The following SOX5 variants were observed in gnomAD, a reference collection of about 807,000 sequenced individuals.
SOX5 encodes the protein transcription factor SOX-5.
A neutral mutation model predicts 92.0 loss-of-function variants in SOX5; 9 were observed. That is an observed-to-expected ratio of 0.10 (90% confidence interval 0.06 to 0.17). SOX5 has a LOEUF of 0.17. Ranked by LOEUF, SOX5 falls within the 10% of genes least tolerant of loss-of-function variation. The pLI, the probability that SOX5 is intolerant of heterozygous loss-of-function variation, is 1.00. For missense variants in SOX5, 642 were observed against 944.5 expected (o/e 0.68, Z 4.20); for synonymous variants, 344 against 336.3 (o/e 1.02, Z -0.25).
chr12:24,408,939 C>T (rs1213843701), intron 1 of SOX5, among the ~76,000 whole-genome samples: 1 of 152,144 alleles, frequency 6.6e-6, no homozygotes, highest in Non-Finnish European at 1.5e-5. Flanking sequence ...GAATCTAGAA[C>T]CGGAAATATC....
At chr12:23,756,096 A>G (rs1241990488) in intron 3 of SOX5, among the ~76,000 whole-genome samples, 1 of 151,848 alleles carries the variant, frequency 6.6e-6, no homozygotes. Flanking sequence ...GAGTAAAAAA[A>G]GGCAAAGAAT....
intron 8 of SOX5, among the ~76,000 whole-genome samples, chr12:23,620,459 A>G (rs1412355590): frequency 1.3e-5 from 2 of 152,070 alleles, no homozygotes; most frequent in African/African-American, 4.8e-5. Flanking sequence ...GAATAAATCT[A>G]TATATATAAT....
chr12:23,979,102 C>A (rs1016191035), intron 4 of SOX5, among the ~76,000 whole-genome samples: 1 of 151,996 alleles, frequency 6.6e-6, no homozygotes, highest in African/African-American at 2.4e-5. Flanking sequence ...CTCAAACAAC[C>A]ATTAGGTATA....
At chr12:24,200,067 CATCATCAA>C (rs1957369427) in intron 4 of SOX5, among the ~76,000 whole-genome samples, 1 of 152,194 alleles carries the variant, frequency 6.6e-6, no homozygotes, top group Admixed American at 6.5e-5. Context: ...TTCCACACAA[CATCATCAA>C]AAGACCCACA....
chr12:24,467,880 CAT>C (rs1218535946), intron 1 of SOX5, among the ~76,000 whole-genome samples: 1 of 152,178 alleles, frequency 6.6e-6, no homozygotes, highest in Non-Finnish European at 1.5e-5. Flanking sequence ...GCTTTTACTC[CAT>C]GCCAACTAGT....
intron 13 of SOX5, among the ~76,000 whole-genome samples, chr12:23,537,657 T>A (rs1384420533): frequency 6.6e-6 from 1 of 152,212 alleles, no homozygotes; most frequent in Non-Finnish European, 1.5e-5. Context: ...GGTGTGAATT[T>A]AGCTGGGATT....
chr12:24,163,154 A>T (rs1952967794), intron 4 of SOX5, among the ~76,000 whole-genome samples: 2 of 152,122 alleles, frequency 1.3e-5, no homozygotes, highest in Non-Finnish European at 2.9e-5. Context: ...AGGCTTTTTA[A>T]ATATGAAGGA....
intron 4 of SOX5, among the ~76,000 whole-genome samples, chr12:24,043,634 G>A (rs1386043573): frequency 1.3e-5 from 2 of 152,112 alleles, no homozygotes; most frequent in African/African-American, 4.8e-5. Context: ...TGTGTTTTTA[G>A]TATCCTAACA....
At chr12:24,391,519 C>T (rs994371906) in intron 1 of SOX5, among the ~76,000 whole-genome samples, 42 of 152,124 alleles carry the variant, frequency 2.8e-4, no homozygotes, top group Non-Finnish European at 5.1e-4. Flanking sequence ...TAACTACAGA[C>T]GTCTCTTTAG....
At chr12:24,126,718 C>T (rs1162871499) in intron 4 of SOX5, among the ~76,000 whole-genome samples, 1 of 152,108 alleles carries the variant, frequency 6.6e-6, no homozygotes. Flanking sequence ...CAAATGTTTA[C>T]GGGATGCTTC....
intron 1 of SOX5, among the ~76,000 whole-genome samples, chr12:24,484,250 T>C (rs375710078): frequency 1.2e-4 from 19 of 152,280 alleles, no homozygotes; most frequent in African/African-American, 4.6e-4. Flanking sequence ...TTGTTTCCAT[T>C]TGGTTTACTA....
chr12:23,780,436 T>G (rs1286562861), intron 3 of SOX5, among the ~76,000 whole-genome samples: 1 of 151,856 alleles, frequency 6.6e-6, no homozygotes, highest in Non-Finnish European at 1.5e-5. Context: ...AGAGGTTTTT[T>G]GTTTTTTTTT....
chr12:24,305,502 G>C (rs969286343), intron 2 of SOX5, among the ~76,000 whole-genome samples: 4 of 152,184 alleles, frequency 2.6e-5, no homozygotes, highest in African/African-American at 9.7e-5. Context: ...GAGGGAGGCA[G>C]CCTCATTGGA....
chr12:24,114,376 A>C (rs972163634), intron 4 of SOX5, among the ~76,000 whole-genome samples: 4 of 151,966 alleles, frequency 2.6e-5, no homozygotes, highest in African/African-American at 9.7e-5. Flanking sequence ...CAGGAGTTTC[A>C]GACCAGCCTG....
chr12:24,128,160 G>A lies in SOX5; in HGVS notation c.-2+85183C>T, dbSNP rs569757357. Among the ~76,000 whole-genome samples, 9 of 152,178 alleles carry A rather than the reference G, an allele frequency of 5.9e-5. No homozygotes were observed. The South Asian group carries it at 1.7e-3, about 28-fold the overall frequency. On this transcript the variant is annotated intron_variant, in intron 4 of 4. Transcript: ENST00000446891. Reference sequence around the variant, plus strand: ...TTTTAGCAGTGTGCTGCTATTGTGGGTTTTGCTGTTATTTGTATTATTATC... The same window carrying A: ...TTTTAGCAGTGTGCTGCTATTGTGGATTTTGCTGTTATTTGTATTATTATC...
chr12:24,531,902 T>G (rs1027347841), intron 1 of SOX5, among the ~76,000 whole-genome samples: 2 of 152,232 alleles, frequency 1.3e-5, no homozygotes, highest in Admixed American at 1.3e-4. Context: ...CTGAATATTC[T>G]GAGCAATTTC....
chr12:23,722,230 T>C (rs370068157), intron 6 of SOX5, among the ~76,000 whole-genome samples: 17 of 152,238 alleles, frequency 1.1e-4, no homozygotes, highest in African/African-American at 4.1e-4. Context: ...CTCAAAACTA[T>C]GTTTAAAATA....
rs563919801 is a variant in SOX5 at position 23,912,635 on chromosome 12, C to G, written c.39-16611G>C. 1.4e-4 allele frequency among the ~76,000 whole-genome samples: 21 copies of G among 152,212 alleles called. 2 individuals carry two copies. Among genetic ancestry groups the G allele is most frequent in the African/African-American group, 5.1e-4 (21 of 41,548 alleles). On this transcript the variant is annotated intron_variant, in intron 1 of 14. Coordinates refer to ENST00000451604, the MANE Select transcript of SOX5 (RefSeq NM_006940.6). The stretch of plus-strand genomic sequence containing the variant: ...AAAAACAATACGTGGCATATCCATA[C>G]AATGGAACATGATTCAATAATAAAA...
chr12:23,619,308 A>C (rs553279927), intron 8 of SOX5, among the ~76,000 whole-genome samples: 2 of 152,202 alleles, frequency 1.3e-5, no homozygotes, highest in Non-Finnish European at 2.9e-5. Flanking sequence ...TGAAGTTTAT[A>C]GAATGCTTAC....
Sources: gnomAD v4.1 joint callset for allele counts (sites outside exome capture counted in the v4.1 genomes callset) on GRCh38, gnomAD v4.1.1 for gene constraint, MANE v1.5 for transcripts, NCBI Gene and HGNC (gene_info 2026-07-23, HGNC 2026-07-21) for gene names.